ASIC2: variants seen among roughly 807,000 people sequenced by gnomAD.
The protein encoded by ASIC2 is acid-sensing ion channel 2.
Under a neutral mutation model 57.3 loss-of-function variants are expected in ASIC2, and 25 were observed. The observed-to-expected ratio is 0.44, with a 90% CI of 0.32 to 0.61. The LOEUF (loss-of-function observed/expected upper bound fraction) is 0.61, where lower values mean the gene tolerates loss of function less well. Ranked by LOEUF, ASIC2 falls within the 20% of genes least tolerant of loss-of-function variation. The pLI is 0.06. For missense variants in ASIC2, 641 were observed against 738.1 expected, an observed-to-expected ratio of 0.87 and a Z score of 1.52; for synonymous variants, 319 against 307.5, an observed-to-expected ratio of 1.04 and a Z score of -0.39.
At chr17:33,495,873 C>A (rs945353598) in intron 1 of ASIC2, among the ~76,000 whole-genome samples, 2 of 152,174 alleles carry the variant, frequency 1.3e-5, no homozygotes, top group Non-Finnish European at 2.9e-5. Flanking sequence ...GAGCAGAGTT[C>A]TCAGGATGGA....
chr17:33,265,274 T>C (rs1909419136), intron 1 of ASIC2, among the ~76,000 whole-genome samples: 1 of 152,152 alleles, frequency 6.6e-6, no homozygotes, highest in East Asian at 1.9e-4. Flanking sequence ...CCATCAGTGA[T>C]AGACTGGATA....
At chr17:33,585,986 G>A (rs1404555051) in intron 1 of ASIC2, among the ~76,000 whole-genome samples, 1 of 152,146 alleles carries the variant, frequency 6.6e-6, no homozygotes, top group Admixed American at 6.5e-5. Context: ...AAGAAGGATG[G>A]CGGAGTGGTC....
At chr17:33,865,565 G>T (rs951891643) in intron 1 of ASIC2, among the ~76,000 whole-genome samples, 12 of 151,834 alleles carry the variant, frequency 7.9e-5, no homozygotes, top group African/African-American at 2.9e-4. Flanking sequence ...TTCATAATCT[G>T]CTTTCTTTCC....
chr17:33,629,909 G>A (rs1490296018), intron 1 of ASIC2, among the ~76,000 whole-genome samples: 1 of 152,188 alleles, frequency 6.6e-6, no homozygotes, highest in Non-Finnish European at 1.5e-5. Flanking sequence ...CTCAGCTGCA[G>A]TACCATGAGG....
intron 1 of ASIC2, among the ~76,000 whole-genome samples, chr17:33,522,385 C>T (rs552804858): frequency 5.9e-5 from 9 of 152,358 alleles, no homozygotes; most frequent in South Asian, 2.1e-4. Context: ...GAAGGCCCAC[C>T]GGCTCCTGCT....
intron 1 of ASIC2, among the ~76,000 whole-genome samples, chr17:33,471,740 G>A (rs1421469181): frequency 6.6e-6 from 1 of 152,024 alleles, no homozygotes; most frequent in African/African-American, 2.4e-5. Flanking sequence ...ATTAAGAGGA[G>A]GCAAATGTGT....
chr17:34,088,402 GTT>G (rs1910192504), intron 1 of ASIC2, among the ~76,000 whole-genome samples: 2 of 152,196 alleles, frequency 1.3e-5, no homozygotes, highest in South Asian at 4.1e-4. Flanking sequence ...TCCTCTGGAA[GTT>G]TTGTCTCAGA....
At chr17:34,067,703 T>C (rs1418329245) in intron 1 of ASIC2, among the ~76,000 whole-genome samples, 1 of 152,168 alleles carries the variant, frequency 6.6e-6, no homozygotes, top group African/African-American at 2.4e-5. Context: ...ACCCACACAA[T>C]AGAATATGCT....
intron 1 of ASIC2, among the ~76,000 whole-genome samples, chr17:33,717,237 T>G (rs1909251739): frequency 6.6e-6 from 1 of 152,260 alleles, no homozygotes; most frequent in Non-Finnish European, 1.5e-5. Flanking sequence ...ATTACTGCTC[T>G]GACAGCTTTC....
At chr17:33,809,135 G>T (rs1219509531) in intron 1 of ASIC2, among the ~76,000 whole-genome samples, 2 of 152,132 alleles carry the variant, frequency 1.3e-5, no homozygotes, top group African/African-American at 4.8e-5. Flanking sequence ...CTCTCAGAGT[G>T]ACCTCTGGAT....
intron 1 of ASIC2, among the ~76,000 whole-genome samples, chr17:33,412,734 G>A (rs1349861309): frequency 6.6e-6 from 1 of 152,198 alleles, no homozygotes; most frequent in African/African-American, 2.4e-5. Context: ...GCTTCTGAGA[G>A]TGTGAGAGGA....
intron 1 of ASIC2, among the ~76,000 whole-genome samples, chr17:33,708,414 A>T (rs1448477254): frequency 6.6e-6 from 1 of 152,150 alleles, no homozygotes; most frequent in East Asian, 1.9e-4. Flanking sequence ...CTTCGTCTTC[A>T]TAAGCGCATG....
intron 1 of ASIC2, among the ~76,000 whole-genome samples, chr17:33,249,520 C>T (rs1446661746): frequency 1.3e-5 from 2 of 152,148 alleles, no homozygotes; most frequent in African/African-American, 2.4e-5. Context: ...AGAGGAGTCT[C>T]CGCAGGAGTG....
At chr17:33,825,443 C>T (rs1421054507) in intron 1 of ASIC2, among the ~76,000 whole-genome samples, 1 of 152,190 alleles carries the variant, frequency 6.6e-6, no homozygotes, top group Non-Finnish European at 1.5e-5. Flanking sequence ...TCATTCCATT[C>T]CTAACAGGAT....
chr17:33,688,734 G>A (rs1051395200), intron 1 of ASIC2: 1 of 152,174 alleles, frequency 6.6e-6, no homozygotes, highest in Non-Finnish European at 1.5e-5. Context: ...TTCCTCATAT[G>A]TACAGCATTC....
chr17:33,852,215 A>T (rs1913787670), intron 1 of ASIC2, among the ~76,000 whole-genome samples: 1 of 152,366 alleles, frequency 6.6e-6, no homozygotes, highest in East Asian at 1.9e-4. Flanking sequence ...TTTTCCTTCC[A>T]TGAGAGCAAT....
chr17:33,892,018 T>C (rs924597730), intron 1 of ASIC2, among the ~76,000 whole-genome samples: 7 of 152,238 alleles, frequency 4.6e-5, no homozygotes, highest in African/African-American at 1.7e-4. Flanking sequence ...TTTATTTTAA[T>C]GAGCCATGCA....
intron 1 of ASIC2, among the ~76,000 whole-genome samples, chr17:33,940,498 C>A (rs959268653): frequency 1.3e-5 from 2 of 152,052 alleles, no homozygotes; most frequent in African/African-American, 2.4e-5. Flanking sequence ...TGATACATAA[C>A]CCCCTCCCTC....
chr17:34,037,552 C>T, intron 1 of ASIC2: 1 of 1,398,848 alleles, frequency 7.1e-7, no homozygotes, highest in South Asian at 1.4e-5. Context: ...CGCTATGTTC[C>T]AAACCCGCTG....
Sources: gnomAD v4.1 joint callset for allele counts (sites outside exome capture counted in the v4.1 genomes callset) on GRCh38, gnomAD v4.1.1 for gene constraint, MANE v1.5 for transcripts, NCBI Gene and HGNC (gene_info 2026-07-23, HGNC 2026-07-21) for gene names.